ELOVL7: variants seen among roughly 807,000 people sequenced by gnomAD.
ELOVL7 encodes the protein ELOVL fatty acid elongase 7.
A neutral mutation model predicts 35.7 loss-of-function variants in ELOVL7; 27 were observed. That is an observed-to-expected ratio of 0.76 (90% CI 0.56 to 1.04). The LOEUF (loss-of-function observed/expected upper bound fraction) is 1.04, where lower values mean the gene tolerates loss of function less well. Among genes scored for constraint, ELOVL7 ranks in the 50% least tolerant of loss-of-function variants. The probability of loss-of-function intolerance (pLI) is 0.00; values close to 1 mark genes in which losing one functional copy is unlikely to be tolerated. For synonymous variants in ELOVL7, 113 were observed against 114.6 expected, an observed-to-expected ratio of 0.99 and a Z score of 0.09; for missense variants, 327 against 340.8, an observed-to-expected ratio of 0.96 and a Z score of 0.32.
chr5:60,782,679 G>A (rs187902418), intron 3 of ELOVL7, among the ~76,000 whole-genome samples: 22 of 152,294 alleles, frequency 1.4e-4, no homozygotes, highest in African/African-American at 5.1e-4. Flanking sequence ...AAGACATTAT[G>A]CTAAGTAAGA....
intron 2 of ELOVL7, among the ~76,000 whole-genome samples, chr5:60,792,897 T>A (rs1256762044): frequency 6.6e-6 from 1 of 152,182 alleles, no homozygotes; most frequent in African/African-American, 2.4e-5. Flanking sequence ...TAGAGAAGAC[T>A]AAAAATGATC....
intron 1 of ELOVL7, among the ~76,000 whole-genome samples, chr5:60,803,390 G>A (rs928656283): frequency 1.3e-5 from 2 of 152,210 alleles, no homozygotes; most frequent in African/African-American, 4.8e-5. Flanking sequence ...ATAAACTGAA[G>A]CTGACAGCCT....
intron 3 of ELOVL7, 86 bp downstream of exon 3, chr5:60,787,248 A>G: frequency 3.4e-6 from 4 of 1,175,704 alleles, no homozygotes; most frequent in Non-Finnish European, 4.9e-6. Context: ...AAAGTCTCTC[A>G]TTCTGTTCCA....
chr5:60,805,465 A>G (rs544500124), intron 1 of ELOVL7, among the ~76,000 whole-genome samples: 8 of 152,288 alleles, frequency 5.3e-5, no homozygotes, highest in African/African-American at 1.9e-4. Flanking sequence ...ATTTTTTTAG[A>G]GTTAGTTCTG....
intron 1 of ELOVL7, among the ~76,000 whole-genome samples, chr5:60,814,196 C>T (rs1009203613): frequency 1.3e-5 from 2 of 152,128 alleles, no homozygotes; most frequent in African/African-American, 2.4e-5. Flanking sequence ...TTTTAAAAAT[C>T]GGTGGTTCTG....
At chr5:60,761,247 A>G (rs898569825) in intron 7 of ELOVL7, among the ~76,000 whole-genome samples, 6 of 152,186 alleles carry the variant, frequency 3.9e-5, no homozygotes, top group African/African-American at 1.4e-4. Flanking sequence ...ACAATTCTCC[A>G]TATCTCTGGA....
chr5:60,821,835 C>A (rs570829512), intron 1 of ELOVL7, among the ~76,000 whole-genome samples: 1 of 152,320 alleles, frequency 6.6e-6, no homozygotes, highest in South Asian at 2.1e-4. Flanking sequence ...AAGGCATAGA[C>A]CAGTTCAAGT....
At chr5:60,779,428 T>A (rs1743102775) in intron 3 of ELOVL7, among the ~76,000 whole-genome samples, 1 of 152,174 alleles carries the variant, frequency 6.6e-6, no homozygotes, top group Admixed American at 6.5e-5. Flanking sequence ...AGGTAGAGGT[T>A]CCCAAACCTC....
At chr5:60,834,833 G>A (rs2112396461) in intron 1 of ELOVL7, among the ~76,000 whole-genome samples, 1 of 151,982 alleles carries the variant, frequency 6.6e-6, no homozygotes, top group South Asian at 2.1e-4. Flanking sequence ...AATTTATTTA[G>A]ATACTATAAA....
intron 2 of ELOVL7, among the ~76,000 whole-genome samples, chr5:60,794,955 T>C (rs1014611424): frequency 6.6e-6 from 1 of 152,128 alleles, no homozygotes; most frequent in African/African-American, 2.4e-5. Context: ...ATATGGGGGA[T>C]GGGGTGTTTG....
chr5:60,787,341 T>A lies in ELOVL7; in HGVS notation c.57A>T (p.Lys19Asn). The stretch of plus-strand genomic sequence containing the variant: ...GGAAATGTGGTTACTCACCAGCATC[T>A]TTGATCCAATTATCATAAAGATGCA... ...RTVHLYDNWI[K>N]DADPRVEDWL... Residue 19 changes from lysine (K) to asparagine (N), a missense_variant, in exon 3 of 9, where the codon AAA becomes AAT. Lys to Asn is a moderately conservative substitution (Grantham distance 94, BLOSUM62 0). Coordinates refer to ENST00000508821, the MANE Select transcript of ELOVL7 (RefSeq NM_024930.3). The A allele has an allele frequency of 1.2e-6, 2 of 1,600,132 alleles. No homozygotes were observed.
intron 3 of ELOVL7, among the ~76,000 whole-genome samples, chr5:60,772,476 C>T (rs551550672): frequency 2.6e-5 from 4 of 152,278 alleles, no homozygotes; most frequent in African/African-American, 9.6e-5. Context: ...GACTTCCACC[C>T]TCTGAATGTG....
rs112806964 is a variant in ELOVL7, at chr5:60,817,830, A to G, written c.-85-18600T>C. ...CATATATATGTGTGTGTGTATATAT[A>G]TGTGTGTGTGTGTGTGTGTATATAT... On this transcript the variant is annotated intron_variant, in intron 1 of 8. Coordinates refer to ENST00000508821, the MANE Select transcript of ELOVL7 (RefSeq NM_024930.3). Among the ~76,000 whole-genome samples, 482 of 145,206 alleles carry G rather than the reference A, an allele frequency of 3.3e-3. 3 individuals carry two copies. The highest frequency in any genetic ancestry group is 8.8e-3 in the African/African-American group (346 of 39,204).
chr5:60,752,795 T>C lies in ELOVL7; in HGVS notation c.*1829A>G, dbSNP rs1481614617. The C allele has an allele frequency of 6.6e-6, 1 of 151,998 alleles. No individual in the cohort carries two copies. The highest frequency in any genetic ancestry group is 1.5e-5 in the Non-Finnish European group (1 of 68,010). The allele number at this position is 151,998 out of a possible 1,614,324, so 9.4% of individuals were successfully genotyped here. ...CTGTCTCTACTAAAAATACAAAAAT[T>C]AGCTGAGCATGGTGGCGGGCACCTG... On this transcript the variant is annotated 3_prime_UTR_variant, in exon 9 of 9. Coordinates refer to ENST00000508821, the MANE Select transcript of ELOVL7 (RefSeq NM_024930.3).
intron 3 of ELOVL7, among the ~76,000 whole-genome samples, chr5:60,780,119 T>TG (rs1743149170): frequency 6.7e-6 from 1 of 149,508 alleles, no homozygotes; most frequent in East Asian, 1.9e-4. Flanking sequence ...TTTCCCTTTT[T>TG]TTTTTTTTTT....
At chr5:60,826,697 G>A (rs762892183) in intron 1 of ELOVL7, among the ~76,000 whole-genome samples, 4 of 152,114 alleles carry the variant, frequency 2.6e-5, no homozygotes, top group Non-Finnish European at 5.9e-5. Flanking sequence ...TATGCTATGG[G>A]ATGGGAAATG....
chr5:60,829,277 G>T (rs537461808), intron 1 of ELOVL7, among the ~76,000 whole-genome samples: 5 of 152,056 alleles, frequency 3.3e-5, no homozygotes, highest in Non-Finnish European at 5.9e-5. Context: ...ACAAGAAGCC[G>T]CAAAGCAGTT....
At chr5:60,797,302 A>C (rs1284764938) in intron 2 of ELOVL7, among the ~76,000 whole-genome samples, 2 of 152,158 alleles carry the variant, frequency 1.3e-5, no homozygotes, top group African/African-American at 2.4e-5. Flanking sequence ...TTGATGGCTC[A>C]TGTATACTAA....
intron 1 of ELOVL7, among the ~76,000 whole-genome samples, chr5:60,837,240 C>T (rs1377902174): frequency 6.8e-6 from 1 of 147,912 alleles, no homozygotes; most frequent in Non-Finnish European, 1.5e-5. Context: ...CGAGACCAGC[C>T]TGGCCACCAC....
Sources: gnomAD v4.1 joint callset for allele counts (sites outside exome capture counted in the v4.1 genomes callset) on GRCh38, gnomAD v4.1.1 for gene constraint, MANE v1.5 for transcripts, NCBI Gene and HGNC (gene_info 2026-07-23, HGNC 2026-07-21) for gene names.